OTOG: variants seen among roughly 807,000 people sequenced by gnomAD.
OTOG encodes otogelin.
Under a neutral mutation model 313.8 loss-of-function variants are expected in OTOG, and 296 were observed. The observed-to-expected ratio is 0.94, with a 90% CI of 0.86 to 1.04. OTOG has a LOEUF of 1.04. OTOG is among the 50% of genes least tolerant of loss of function. The pLI, the probability that OTOG is intolerant of heterozygous loss-of-function variation, is 0.00. For synonymous variants in OTOG, 1,533 were observed against 1,554.9 expected, an observed-to-expected ratio of 0.99 and a Z score of 0.33; for missense variants, 3,948 against 3,840.1, an observed-to-expected ratio of 1.03 and a Z score of -0.74.
At position 17,635,074 on chromosome 11, in the gene OTOG, C is replaced by T; in HGVS notation, c.7586-6C>T. 3 of 1,546,068 alleles carry T rather than the reference C, an allele frequency of 1.9e-6. No individual in the cohort carries two copies. The highest frequency in any genetic ancestry group is 2.6e-6 in the Non-Finnish European group (3 of 1,144,032). ...TCCCAGCACCTAAATTCAGCCTTTT[C>T]CCCAGAGTGTGACCCAGATCTCTGT... On this transcript the variant is annotated splice_region_variant and splice_polypyrimidine_tract_variant and intron_variant, in intron 45 of 55. Coordinates refer to ENST00000399397, the MANE Select transcript of OTOG (RefSeq NM_001292063.2).
chr11:17,614,080 G>A (rs369331480), intron 39 of OTOG, among the ~76,000 whole-genome samples: 10 of 152,262 alleles, frequency 6.6e-5, no homozygotes, highest in South Asian at 6.2e-4. Flanking sequence ...GTGAGGAGCC[G>A]TGAATTTAAG....
intron 48 of OTOG, among the ~76,000 whole-genome samples, chr11:17,639,137 G>A (rs1474137360): frequency 6.6e-6 from 1 of 152,236 alleles, no homozygotes. Flanking sequence ...GGAAACCTGT[G>A]ATTGGCCCAT....
Position 17,572,077 on chromosome 11 carries a change from C to G in OTOG, c.1956-3C>G, listed in dbSNP as rs1365764498. On this transcript the variant is annotated splice_region_variant and splice_polypyrimidine_tract_variant and intron_variant, in intron 17 of 55. Coordinates refer to ENST00000399397, the MANE Select transcript of OTOG (RefSeq NM_001292063.2). ...TGTGAATATGGCTGTGACATGGCTGCAGGTCTCCAGTGGGTGTACCTGAGA... is the reference window on the plus strand; with the variant it reads ...TGTGAATATGGCTGTGACATGGCTGGAGGTCTCCAGTGGGTGTACCTGAGA... The G allele has an allele frequency of 1.3e-6, 2 of 1,550,272 alleles. No homozygotes were observed. Among genetic ancestry groups the G allele is most frequent in the African/African-American group, 2.7e-5 (2 of 73,014 alleles).
At chr11:17,563,647 G>A (rs1852236278) in intron 15 of OTOG, among the ~76,000 whole-genome samples, 1 of 151,916 alleles carries the variant, frequency 6.6e-6, no homozygotes, top group African/African-American at 2.4e-5. Context: ...CAGAATCCTG[G>A]GGGCTATTGG....
At position 17,629,176 on chromosome 11, in the gene OTOG, A is replaced by T. The variant is rs1422520997; in HGVS notation, c.6572A>T (p.Tyr2191Phe). ...LQPVWPPVSR[Y>F]GFRIEDTGHM... The stretch of plus-strand genomic sequence containing the variant: ...CCTGTGTGGCCACCGGTGAGCAGGT[A>T]TGGATTCAGAATTGAGGACACAGGC... The change falls in exon 40 of 56, where the codon TAT becomes TTT. Residue 2191 changes from tyrosine (Y) to phenylalanine (F), a missense_variant. Tyr to Phe is a conservative substitution (Grantham distance 22). Transcript: ENST00000399397. 15 of 1,550,580 alleles carry T rather than the reference A, an allele frequency of 9.7e-6. No homozygotes were observed. Among genetic ancestry groups the T allele is most frequent in the Non-Finnish European group, 1.3e-5 (15 of 1,146,996 alleles).
rs1228850002 is a variant in OTOG, at chr11:17,610,293, A to C, written c.4993A>C (p.Lys1665Gln). The C allele has an allele frequency of 6.4e-7, 1 of 1,550,548 alleles. No individual in the cohort carries two copies. Among genetic ancestry groups the C allele is most frequent in the Admixed American group, 2.0e-5 (1 of 50,986 alleles). ...GTCCCCCACCTCCTCGGGATCCCAC[A>C]AGGCTGTGCTGACACCTGCAGTAAC... ...SRSPTSSGSH[K>Q]AVLTPAVTKV... The change falls in exon 36 of 56, where the codon AAG (lysine) becomes CAG (glutamine). Residue 1665 changes from lysine (K) to glutamine (Q), a missense_variant. By Grantham distance (53) the Lys-to-Gln change is moderately conservative. Coordinates refer to ENST00000399397, the MANE Select transcript of OTOG (RefSeq NM_001292063.2).
At chr11:17,560,872 A>G (rs2134009917) in intron 13 of OTOG, 55 bp downstream of exon 13, 11 of 1,444,262 alleles carry the variant, frequency 7.6e-6, no homozygotes, top group South Asian at 7.4e-5. Context: ...GAGGCTTTCC[A>G]CGAGGGCTGC....
chr11:17,611,506 G>A (rs1853548282), intron 36 of OTOG, 83 bp downstream of exon 36: 5 of 1,328,250 alleles, frequency 3.8e-6, no homozygotes, highest in East Asian at 2.5e-5. Flanking sequence ...TGGAGTTTTA[G>A]TCGCTATCCT....
chr11:17,613,195 T>TTTTCTTCCTTTCTTTC (rs1853616351), intron 38 of OTOG, among the ~76,000 whole-genome samples: 2 of 65,328 alleles, frequency 3.1e-5, no homozygotes, highest in African/African-American at 7.6e-5. Flanking sequence ...TCTTTCTTTC[T>TTTTCTTCCTTTCTTTC]TTTCTTTCTT....
chr11:17,599,799 G>A (rs909906672), intron 31 of OTOG, 102 bp downstream of exon 31: 26 of 1,371,708 alleles, frequency 1.9e-5, no homozygotes, highest in African/African-American at 2.9e-5. Flanking sequence ...GCTGGCCCTG[G>A]AAGAGCCGTG....
chr11:17,640,971 G>A lies in OTOG; in HGVS notation c.8070G>A (p.Val2690=). ...ELGVMQPGQT[V]VELSADGVCH... is the part of the protein sequence containing the mutation. ...GTGTGATGCAGCCCGGCCAGACAGT[G>A]GTGGAGCTCTCAGCAGATGGCGTGT... Residue 2690 remains valine, a synonymous_variant, in exon 51 of 56, where the codon GTG becomes GTA. Coordinates refer to ENST00000399397, the MANE Select transcript of OTOG (RefSeq NM_001292063.2). 1.9e-6 allele frequency: 3 copies of A among 1,548,530 alleles called. No individual in the cohort carries two copies. Among genetic ancestry groups the A allele is most frequent in the Non-Finnish European group, 1.7e-6 (2 of 1,146,980 alleles).
intron 7 of OTOG, among the ~76,000 whole-genome samples, chr11:17,556,351 G>A (rs1196939874): frequency 1.3e-5 from 2 of 152,114 alleles, no homozygotes; most frequent in Admixed American, 1.3e-4. Context: ...AGAGGAGTGG[G>A]GACCCCTTGC....
chr11:17,609,324 G>C, intron 35 of OTOG, 115 bp downstream of exon 35: 2 of 968,676 alleles, frequency 2.1e-6, no homozygotes, highest in African/African-American at 1.6e-5. Flanking sequence ...TCAGCACAGG[G>C]ACCTTTGGAA....
At chr11:17,555,074 G>A (rs767842134) in intron 6 of OTOG, among the ~76,000 whole-genome samples, 3 of 152,216 alleles carry the variant, frequency 2.0e-5, no homozygotes, top group Non-Finnish European at 4.4e-5. Flanking sequence ...TAATCTGATG[G>A]AAGGTGCCTT....
Position 17,559,540 on chromosome 11 carries a change from A to G in OTOG, c.1220A>G (p.His407Arg), listed in dbSNP as rs1852131914. ...WRTQLRQCTV[H>R]CKEKAFTYNE... ...TGGATCCCTCCTTCCCAAGCTGTGC[A>G]CTGCAAGGAGAAGGCCTTTACCTAC... The change falls in exon 12 of 56, where the codon CAC (histidine) becomes CGC (arginine). Residue 407 changes from histidine (H) to arginine (R), a missense_variant. By Grantham distance (29) the His-to-Arg change is conservative. Coordinates refer to ENST00000399397, the MANE Select transcript of OTOG (RefSeq NM_001292063.2). 2 of 1,550,550 alleles carry G rather than the reference A, an allele frequency of 1.3e-6. No individual in the cohort carries two copies. Among genetic ancestry groups the G allele is most frequent in the African/African-American group, 1.4e-5 (1 of 73,046 alleles).
chr11:17,605,653 G>A (rs376883766), intron 32 of OTOG, among the ~76,000 whole-genome samples: 7 of 152,210 alleles, frequency 4.6e-5, no homozygotes, highest in African/African-American at 1.2e-4. Context: ...CTAAGCCTCC[G>A]CTCGCCCTCA....
chr11:17,607,024 G>T (rs933856305), intron 33 of OTOG, among the ~76,000 whole-genome samples: 1 of 152,232 alleles, frequency 6.6e-6, no homozygotes. Flanking sequence ...GGACAGCCTT[G>T]AGTTCAAATC....
chr11:17,607,132 G>A (rs1406284098), intron 33 of OTOG, among the ~76,000 whole-genome samples: 1 of 152,272 alleles, frequency 6.6e-6, no homozygotes, highest in Non-Finnish European at 1.5e-5. Context: ...AGTGTGCTGT[G>A]AGGACTGGCT....
chr11:17,568,063 A>G (rs894210074), intron 15 of OTOG, among the ~76,000 whole-genome samples: 3 of 151,916 alleles, frequency 2.0e-5, no homozygotes, highest in Non-Finnish European at 4.4e-5. Context: ...ACCCGCCACC[A>G]TGCCTGGCTA....
Sources: gnomAD v4.1 joint callset for allele counts (sites outside exome capture counted in the v4.1 genomes callset) on GRCh38, gnomAD v4.1.1 for gene constraint, MANE v1.5 for transcripts, NCBI Gene and HGNC (gene_info 2026-07-23, HGNC 2026-07-21) for gene names.